Variants in NOP9 observed in about 807,000 individuals in gnomAD.
NOP9 encodes nucleolar protein 9.
NOP9 carries 50 observed loss-of-function variants against 63.0 expected under a neutral mutation model. That is an observed-to-expected ratio of 0.79 (90% confidence interval 0.63 to 1.00). The LOEUF is 1.00. NOP9 is among the 50% of genes least tolerant of loss of function. The probability of loss-of-function intolerance (pLI) is 0.00; values close to 1 mark genes in which losing one functional copy is unlikely to be tolerated. For synonymous variants in NOP9, 343 were observed against 332.8 expected, an observed-to-expected ratio of 1.03 and a Z score of -0.33; for missense variants, 758 against 803.0, an observed-to-expected ratio of 0.94 and a Z score of 0.68.
At chr14:24,273,092 G>A in the NOP9 span, among the ~76,000 whole-genome samples, 1 of 152,188 alleles carries the variant, frequency 6.6e-6, no homozygotes, top group African/African-American at 2.4e-5. Flanking sequence ...ACACGTACAC[G>A]TGTGTGATGT....
chr14:24,296,820 A>C (rs895288433), upstream of NOP9: 2 of 1,614,128 alleles, frequency 1.2e-6, no homozygotes, highest in African/African-American at 2.7e-5. Flanking sequence ...CAGGCTTCGC[A>C]CTTCACTCTC....
chr14:24,281,456 G>A, the NOP9 span, among the ~76,000 whole-genome samples: 1 of 152,214 alleles, frequency 6.6e-6, no homozygotes, highest in Admixed American at 6.5e-5. Flanking sequence ...TTCTGTGCAT[G>A]GGGAAGGAGA....
chr14:24,307,735 A>G lies in NOP9; in HGVS notation c.*2640A>G, dbSNP rs1025034731. On this transcript the variant is annotated 3_prime_UTR_variant, in exon 10 of 10. Coordinates refer to ENST00000267425, the MANE Select transcript of NOP9 (RefSeq NM_174913.3). ...AGCAGGAGAGGAAGGGGTACTGGTT[A>G]GTCTCCTAGGGGCTGAGTGGAGTAT... The G allele has an allele frequency of 3.5e-6, 5 of 1,428,920 alleles. No individual in the cohort carries two copies. The Admixed American group carries it at 5.9e-5, about 17-fold the overall frequency. The allele number at this position is 1,428,920 out of a possible 1,614,324, so 88.5% of individuals were successfully genotyped here.
chr14:24,297,139 T>C (rs1392854334), upstream of NOP9, among the ~76,000 whole-genome samples: 1 of 152,224 alleles, frequency 6.6e-6, no homozygotes, highest in Non-Finnish European at 1.5e-5. Flanking sequence ...AGGCCCACCA[T>C]GTGCACAGCA....
In NOP9 at chr14:24,300,031, AG is replaced by A; in HGVS notation, c.81del (p.Ser28ArgfsTer30). 1 of 1,606,226 alleles carries A rather than the reference AG, an allele frequency of 6.2e-7. No homozygotes were observed. The highest frequency in any genetic ancestry group is 8.5e-7 in the Non-Finnish European group (1 of 1,176,286). On this transcript the variant is annotated frameshift_variant, in exon 1 of 10. Coordinates refer to ENST00000267425, the MANE Select transcript of NOP9 (RefSeq NM_174913.3). LOFTEE classifies it high-confidence loss of function. The stretch of plus-strand genomic sequence containing the variant: ...GGTGGCAAACGGGGGCGCGGGGCCA[AG>A]GGGTCGGGGCGCCCCTTACCAGGCC... ...PAGGKRGRGA[K>X]GSGRPLPGRK...
the NOP9 span, chr14:24,292,278 C>T: frequency 6.2e-7 from 1 of 1,614,204 alleles, no homozygotes; most frequent in African/African-American, 1.3e-5. Context: ...AGACACACAG[C>T]TGACCCCATG....
At position 24,306,008 on chromosome 14, in the gene NOP9, ATG is replaced by A. The variant is rs774843620; in HGVS notation, c.*916_*917del. 1 of 1,614,156 alleles carries A rather than the reference ATG, an allele frequency of 6.2e-7. No homozygotes were observed. ...CAACTCATAGAGTAGAGCCCGTAGA[ATG>A]TGGCTTTGACATTCAGGCTGCCAAA... On this transcript the variant is annotated 3_prime_UTR_variant, in exon 10 of 10. Coordinates refer to ENST00000267425, the MANE Select transcript of NOP9 (RefSeq NM_174913.3).
Position 24,302,333 on chromosome 14 carries a change from A to C in NOP9, c.1052A>C (p.His351Pro), listed in dbSNP as rs371219756. Residue 351 changes from histidine (H) to proline (P), a missense_variant, in exon 5 of 10, where the codon CAC becomes CCC. His to Pro is a moderately conservative substitution (Grantham distance 77). Coordinates refer to ENST00000267425, the MANE Select transcript of NOP9 (RefSeq NM_174913.3). ...PPRLQSLFEE[H>P]LQGQLQTLAA... is the part of the protein sequence containing the mutation. ...AGACTCCAGAGCCTCTTTGAGGAGC[A>C]CTTGCAGGGGCAGCTGCAGACCCTG... The C allele has an allele frequency of 8.1e-6, 13 of 1,614,096 alleles. No individual in the cohort carries two copies. The highest frequency in any genetic ancestry group is 1.7e-6 in the Non-Finnish European group (2 of 1,180,022).
At chr14:24,299,814 C>T (rs1401294973), upstream of NOP9, 6 of 1,115,594 alleles carry the variant, frequency 5.4e-6, no homozygotes, top group South Asian at 1.8e-5. Context: ...GCTGGGGCGG[C>T]GCGGAACTAT....
Position 24,300,711 on chromosome 14 carries a change from T to TG in NOP9, c.554dup (p.Leu186ThrfsTer4), listed in dbSNP as rs758369375. ...ACGGAGACCCTGGAGGAGCTGGTCC[T>TG]GGGACTAGCCGCTGAGGTGTGTGAT... On this transcript the variant is annotated frameshift_variant, in exon 2 of 10. Transcript: ENST00000267425. LOFTEE classifies it high-confidence loss of function. 1 of 1,614,150 alleles carries TG rather than the reference T, an allele frequency of 6.2e-7. No homozygotes were observed. Among genetic ancestry groups the TG allele is most frequent in the Non-Finnish European group, 8.5e-7 (1 of 1,180,036 alleles).
the NOP9 span, among the ~76,000 whole-genome samples, chr14:24,279,183 A>T: frequency 6.6e-6 from 1 of 152,200 alleles, no homozygotes; most frequent in Non-Finnish European, 1.5e-5. Flanking sequence ...CAGAGACCAG[A>T]GTCTCTCCAC....
In NOP9 at chr14:24,306,382, G is replaced by A; in HGVS notation, c.*1287G>A. 6.2e-7 allele frequency: 1 copy of A among 1,614,158 alleles called. No homozygotes were observed. Among genetic ancestry groups the A allele is most frequent in the Non-Finnish European group, 8.5e-7 (1 of 1,180,032 alleles). ...CAGTATAGGCCTCTTACCCTTGTAGGGCTCCAGCTCTGACCAGACTGCAAC... is the reference window on the plus strand; with the variant it reads ...CAGTATAGGCCTCTTACCCTTGTAGAGCTCCAGCTCTGACCAGACTGCAAC... On this transcript the variant is annotated 3_prime_UTR_variant, in exon 10 of 10. Coordinates refer to ENST00000267425, the MANE Select transcript of NOP9 (RefSeq NM_174913.3).
intron 8 of NOP9, 97 bp downstream of exon 8, chr14:24,304,374 T>G (rs1041138679): frequency 1.5e-6 from 2 of 1,296,090 alleles, no homozygotes; most frequent in African/African-American, 1.5e-5. Context: ...AAAGGCTATG[T>G]AATTCCTAGA....
chr14:24,304,855 T>G, intron 9 of NOP9, 83 bp from the exon 10 acceptor site: 1 of 1,434,608 alleles, frequency 7.0e-7, no homozygotes, highest in Non-Finnish European at 9.3e-7. Flanking sequence ...TCCCAGGGTC[T>G]GGGGGAAATG....
chr14:24,308,462 C>G lies in NOP9; in HGVS notation c.*3367C>G, dbSNP rs2041590251. 1 of 154,108 alleles carries G rather than the reference C, an allele frequency of 6.5e-6. No homozygotes were observed. The highest frequency in any genetic ancestry group is 1.4e-5 in the Non-Finnish European group (1 of 69,090). The allele number at this position is 154,108 out of a possible 1,614,324, so 9.5% of individuals were successfully genotyped here. A position where few individuals can be genotyped will look rare whatever the true frequency, so the allele number is the denominator to read the frequency against. ...GATCATTAGGGTCCTGTCTGGGACACTGGCCTTCCTGCTTACCTGCTCTTT... is the reference window on the plus strand; with the variant it reads ...GATCATTAGGGTCCTGTCTGGGACAGTGGCCTTCCTGCTTACCTGCTCTTT... On this transcript the variant is annotated 3_prime_UTR_variant, in exon 10 of 10. Coordinates refer to ENST00000267425, the MANE Select transcript of NOP9 (RefSeq NM_174913.3).
At chr14:24,301,342 G>T (rs117950690) in intron 2 of NOP9, among the ~76,000 whole-genome samples, 1 of 152,296 alleles carries the variant, frequency 6.6e-6, no homozygotes, top group South Asian at 2.1e-4. Flanking sequence ...TAAAGTTAGC[G>T]AGTTTAAATG....
chr14:24,271,717 A>C, the NOP9 span: 1 of 152,346 alleles, frequency 6.6e-6, no homozygotes, highest in South Asian at 2.1e-4. Context: ...ACGAGTGCGC[A>C]CGGGCGACTG....
At chr14:24,277,855 GC>G in the NOP9 span, among the ~76,000 whole-genome samples, 9 of 152,104 alleles carry the variant, frequency 5.9e-5, no homozygotes, top group Non-Finnish European at 1.0e-4. Flanking sequence ...GCAAGGGGAG[GC>G]AACTCAGGCC....
the NOP9 span, among the ~76,000 whole-genome samples, chr14:24,279,235 G>A: frequency 1.3e-5 from 2 of 152,142 alleles, no homozygotes; most frequent in Admixed American, 6.5e-5. Context: ...ATGGAGCAGG[G>A]GACTAGAGTA....
Sources: gnomAD v4.1 joint callset for allele counts (sites outside exome capture counted in the v4.1 genomes callset) on GRCh38, gnomAD v4.1.1 for gene constraint, MANE v1.5 for transcripts, NCBI Gene and HGNC (gene_info 2026-07-23, HGNC 2026-07-21) for gene names.